Variants in PCDHGB2 observed in about 807,000 individuals in gnomAD.
PCDHGB2 encodes protocadherin gamma-B2.
A neutral mutation model predicts 59.3 loss-of-function variants in PCDHGB2; 55 were observed. The ratio of observed to expected loss-of-function variants is 0.93; its 90% CI spans 0.75 to 1.16. The LOEUF (loss-of-function observed/expected upper bound fraction) is 1.16. PCDHGB2 is among the 50% of genes most tolerant of loss of function. The probability of loss-of-function intolerance (pLI) is 0.00; values close to 1 mark genes in which losing one functional copy is unlikely to be tolerated. For missense variants in PCDHGB2, 1,228 were observed against 1,198.5 expected (o/e 1.02, Z -0.36); for synonymous variants, 516 against 512.0 (o/e 1.01, Z -0.11).
intron 1 of PCDHGB2, chr5:141,364,789 G>T (rs1358031910): frequency 1.9e-6 from 3 of 1,614,036 alleles, no homozygotes; most frequent in East Asian, 4.5e-5. Flanking sequence ...CACGGTTAGT[G>T]CTTCCCTTCG....
chr5:141,422,800 C>A (rs1470748782), intron 1 of PCDHGB2: 1 of 1,614,094 alleles, frequency 6.2e-7, no homozygotes, highest in Non-Finnish European at 8.5e-7. Flanking sequence ...CGACTATGAG[C>A]AGTTTCGAGA....
At chr5:141,420,391 G>C in intron 1 of PCDHGB2, 1 of 1,270,636 alleles carries the variant, frequency 7.9e-7, no homozygotes, top group Non-Finnish European at 1.0e-6. Flanking sequence ...GCAAAATATA[G>C]GTCAAATTTA....
At chr5:141,410,012 C>T (rs1256228205) in intron 1 of PCDHGB2, 24 of 1,613,212 alleles carry the variant, frequency 1.5e-5, no homozygotes, top group Non-Finnish European at 2.0e-5. Context: ...CAACGCCTGG[C>T]TGTCCTACCA....
At position 141,432,135 on chromosome 5, in the gene PCDHGB2, C is replaced by T; in HGVS notation, c.2422-62672C>T. On this transcript the variant is annotated intron_variant, in intron 1 of 3. Transcript: ENST00000522605. This position sits in a 1 kb window ranked among gnomAD's most constrained non-coding sequence, Gnocchi z 6.0. ...GTCTTCCCTCAGGCCTCCTATTCCGCTTATATCCCAGAGAACAATCCCAGA... is the reference window on the plus strand; with the variant it reads ...GTCTTCCCTCAGGCCTCCTATTCCGTTTATATCCCAGAGAACAATCCCAGA... The T allele has an allele frequency of 6.2e-7, 1 of 1,614,140 alleles. No homozygotes were observed. Among genetic ancestry groups the T allele is most frequent in the Non-Finnish European group, 8.5e-7 (1 of 1,180,026 alleles).
intron 2 of PCDHGB2, among the ~76,000 whole-genome samples, chr5:141,502,723 G>C (rs771399677): frequency 3.9e-5 from 6 of 152,124 alleles, no homozygotes; most frequent in Non-Finnish European, 8.8e-5. Flanking sequence ...TGATTACAAA[G>C]CGGTGATGTT....
At chr5:141,375,106 T>A (rs1771135818) in intron 1 of PCDHGB2, 2 of 1,613,952 alleles carry the variant, frequency 1.2e-6, no homozygotes, top group East Asian at 4.5e-5. Context: ...TGGATGTCAA[T>A]GATAATGTAC....
chr5:141,368,727 T>C (rs1004938919), intron 1 of PCDHGB2, among the ~76,000 whole-genome samples: 9 of 152,250 alleles, frequency 5.9e-5, no homozygotes, highest in Non-Finnish European at 1.2e-4. Context: ...ATGTATGTAC[T>C]GTATATACCA....
intron 2 of PCDHGB2, among the ~76,000 whole-genome samples, chr5:141,498,839 A>C (rs2099786236): frequency 6.6e-6 from 1 of 152,062 alleles, no homozygotes; most frequent in Non-Finnish European, 1.5e-5. Context: ...AGGCTGAGGC[A>C]GGGGAATCGC....
intron 1 of PCDHGB2, chr5:141,375,470 GAAAACA>G (rs1452346510): frequency 6.2e-7 from 1 of 1,613,784 alleles, no homozygotes; most frequent in Admixed American, 1.7e-5. Context: ...CTATGTCCTT[GAAAACA>G]ACCCCAGGGG....
At chr5:141,504,381 T>C (rs1039838477) in intron 2 of PCDHGB2, among the ~76,000 whole-genome samples, 4 of 152,130 alleles carry the variant, frequency 2.6e-5, no homozygotes, top group Non-Finnish European at 5.9e-5. Context: ...GTGGAGTCGC[T>C]GCCTCACAGA....
intron 1 of PCDHGB2, chr5:141,371,543 A>G (rs1209242275): frequency 3.1e-6 from 5 of 1,613,694 alleles, no homozygotes; most frequent in Non-Finnish European, 4.2e-6. Flanking sequence ...GAGAAATCCT[A>G]TGCCAACTAA....
rs749590670 is a variant in PCDHGB2, at chr5:141,415,328, A to T, written c.2421+52772A>T. 7.9e-5 allele frequency: 127 copies of T among 1,614,184 alleles called. No individual in the cohort carries two copies. The Admixed American group carries it at 1.9e-3, about 24-fold the overall frequency. ...GCCTTCGTCATCGTGCTGCTGGCGC[A>T]CAGGCTGCGGCGCTGGCACAAGTCA... On this transcript the variant is annotated intron_variant, in intron 1 of 3. Transcript: ENST00000522605.
Position 141,431,897 on chromosome 5 carries a change from G to A in PCDHGB2, c.2422-62910G>A. On this transcript the variant is annotated intron_variant, in intron 1 of 3. Transcript: ENST00000522605. This position sits in a 1 kb window ranked among gnomAD's most constrained non-coding sequence, Gnocchi z 4.8. ...AAATGACCAAGATTCTGAGGAAAAC[G>A]GACAGGTGATCTGTTTCATCCAAGG... is the stretch of plus-strand genomic sequence containing the variant. 6 of 1,613,830 alleles carry A rather than the reference G, an allele frequency of 3.7e-6. No individual in the cohort carries two copies. The highest frequency in any genetic ancestry group is 5.1e-6 in the Non-Finnish European group (6 of 1,179,704).
intron 1 of PCDHGB2, chr5:141,384,697 C>CA (rs1290309898): frequency 6.2e-7 from 1 of 1,614,142 alleles, no homozygotes; most frequent in Non-Finnish European, 8.5e-7. Context: ...AGATTCAGGC[C>CA]AGAACGCCTG....
intron 1 of PCDHGB2, chr5:141,394,313 C>G: frequency 6.2e-7 from 1 of 1,614,022 alleles, no homozygotes; most frequent in Non-Finnish European, 8.5e-7. Flanking sequence ...AGGGGGCGCC[C>G]CTGTCCTCGT....
At chr5:141,421,579 T>A (rs753573473) in intron 1 of PCDHGB2, 1 of 1,613,934 alleles carries the variant, frequency 6.2e-7, no homozygotes, top group Non-Finnish European at 8.5e-7. Flanking sequence ...CTTGAAGATT[T>A]ACGGAGTGGA....
Position 141,476,114 on chromosome 5 carries a change from G to A in PCDHGB2, c.2422-18693G>A. Reference sequence around the variant, plus strand: ...CCGCTGAGAGGAACTGCTTTTGAGTGAGATGGTCCCAGAGGCCTGGAGGAG... The same window carrying A: ...CCGCTGAGAGGAACTGCTTTTGAGTAAGATGGTCCCAGAGGCCTGGAGGAG... On this transcript the variant is annotated intron_variant, in intron 1 of 3. Coordinates refer to ENST00000522605, the MANE Select transcript of PCDHGB2 (RefSeq NM_018923.3). The surrounding 1 kb of genome is among the most constrained non-coding windows in gnomAD (Gnocchi z 7.6). 6.3e-7 allele frequency: 1 copy of A among 1,592,296 alleles called. No individual in the cohort carries two copies. The highest frequency in any genetic ancestry group is 8.5e-7 in the Non-Finnish European group (1 of 1,171,536).
At chr5:141,376,685 T>TTTTGTTTTG (rs945381584) in intron 1 of PCDHGB2, 1 of 813,646 alleles carries the variant, frequency 1.2e-6, no homozygotes, top group African/African-American at 1.9e-5. Flanking sequence ...CGTTTTTTTT[T>TTTTGTTTTG]TTTTTTTTTT....
At position 141,489,635 on chromosome 5, in the gene PCDHGB2, G is replaced by A. The variant is rs1380466520; in HGVS notation, c.2422-5172G>A. On this transcript the variant is annotated intron_variant, in intron 1 of 3. Coordinates refer to ENST00000522605, the MANE Select transcript of PCDHGB2 (RefSeq NM_018923.3). The surrounding 1 kb of genome is among the most constrained non-coding windows in gnomAD (Gnocchi z 4.5). Reference sequence around the variant, plus strand: ...CTGGATCTCAATGACAACTCTCCTAGCTTTGCCACCCCTGAGCGAGAGATG... The same window carrying A: ...CTGGATCTCAATGACAACTCTCCTAACTTTGCCACCCCTGAGCGAGAGATG... 6.2e-7 allele frequency: 1 copy of A among 1,614,142 alleles called. No individual in the cohort carries two copies. The highest frequency in any genetic ancestry group is 8.5e-7 in the Non-Finnish European group (1 of 1,180,012).
Sources: gnomAD v4.1 joint callset for allele counts (sites outside exome capture counted in the v4.1 genomes callset) on GRCh38, gnomAD v4.1.1 for gene constraint, Gnocchi (gnomAD v3.1) non-coding constraint, MANE v1.5 for transcripts, NCBI Gene and HGNC (gene_info 2026-07-23, HGNC 2026-07-21) for gene names.